Variants in C2CD3 observed in about 807,000 individuals in gnomAD.
C2CD3 encodes C2 domain containing 3 centriole elongation regulator.
Under a neutral mutation model 234.0 loss-of-function variants are expected in C2CD3, and 148 were observed. That is an observed-to-expected ratio of 0.63 (90% CI 0.55 to 0.72). The LOEUF (loss-of-function observed/expected upper bound fraction) is 0.72. Ranked by LOEUF, C2CD3 falls within the 30% of genes least tolerant of loss-of-function variation. The probability of loss-of-function intolerance (pLI) is 0.00; values close to 1 mark genes in which losing one functional copy is unlikely to be tolerated. For synonymous variants in C2CD3, 1,000 were observed against 1,035.4 expected, an observed-to-expected ratio of 0.97 and a Z score of 0.66; for missense variants, 2,577 against 2,811.5, an observed-to-expected ratio of 0.92 and a Z score of 1.89.
chr11:74,063,191 C>T (rs2135447242), intron 24 of C2CD3, among the ~76,000 whole-genome samples: 1 of 152,240 alleles, frequency 6.6e-6, no homozygotes, highest in Non-Finnish European at 1.5e-5. Context: ...GCCGCATCTA[C>T]CAGAGGTACA....
intron 30 of C2CD3, among the ~76,000 whole-genome samples, chr11:74,035,532 A>G (rs980460750): frequency 6.6e-6 from 1 of 152,146 alleles, no homozygotes; most frequent in East Asian, 1.9e-4. Context: ...GGCATGAACC[A>G]TATGTCTGAA....
At chr11:74,040,354 T>TG (rs1347582913) in intron 29 of C2CD3, among the ~76,000 whole-genome samples, 1 of 152,170 alleles carries the variant, frequency 6.6e-6, no homozygotes, top group African/African-American at 2.4e-5. Flanking sequence ...AGGTTGGGGC[T>TG]GCTGGTCTAT....
At chr11:74,087,299 C>T (rs764327151) in intron 20 of C2CD3, among the ~76,000 whole-genome samples, 8 of 151,994 alleles carry the variant, frequency 5.3e-5, no homozygotes, top group Admixed American at 2.6e-4. Flanking sequence ...TGCGGTGGCT[C>T]GCGCCTGTAA....
intron 24 of C2CD3, among the ~76,000 whole-genome samples, chr11:74,063,994 C>A (rs1359457087): frequency 6.6e-6 from 1 of 152,006 alleles, no homozygotes; most frequent in Non-Finnish European, 1.5e-5. Flanking sequence ...TGGTGTGCTG[C>A]ACCCATTAAC....
At chr11:74,018,323 T>C (rs1951950720) in intron 32 of C2CD3, among the ~76,000 whole-genome samples, 1 of 151,952 alleles carries the variant, frequency 6.6e-6, no homozygotes. Context: ...AAGTCCTGAG[T>C]AGAGCTGGGG....
chr11:74,084,602 T>G (rs372436019), intron 22 of C2CD3, among the ~76,000 whole-genome samples: 9 of 152,050 alleles, frequency 5.9e-5, no homozygotes, highest in African/African-American at 2.2e-4. Flanking sequence ...TCAGGACTTC[T>G]CCATCTATAA....
In C2CD3 at chr11:74,053,058, A is replaced by T. The variant is rs78575741; in HGVS notation, c.5155+1549T>A. On this transcript the variant is annotated intron_variant, in intron 26 of 32. Transcript: ENST00000334126. Reference sequence around the variant, plus strand: ...AAGTCCTCATCACCTCAATTTTCCAAGTTTTCCAATCTTACTAGCATGGTG... The same window carrying T: ...AAGTCCTCATCACCTCAATTTTCCATGTTTTCCAATCTTACTAGCATGGTG... Among the ~76,000 whole-genome samples the T allele has an allele frequency of 4.2e-4, 64 of 152,328 alleles. No homozygotes were observed. The East Asian group carries it at 0.01, about 24-fold the overall frequency.
At chr11:74,041,618 T>A (rs1163029498) in intron 29 of C2CD3, among the ~76,000 whole-genome samples, 2 of 152,212 alleles carry the variant, frequency 1.3e-5, no homozygotes, top group African/African-American at 4.8e-5. Context: ...TTAGATAAGC[T>A]AGGGGCTGAT....
In C2CD3 at chr11:74,150,516, C is replaced by CAAAAAAAAAAAAAAAAAAAAAAAAAA. The variant is rs1162306851; in HGVS notation, c.484-10689_484-10688insTTTTTTTTTTTTTTTTTTTTTTTTTT. ...TCAAAAAAAAAAAAAAAAAAAAAAA[C>CAAAAAAAAAAAAAAAAAAAAAAAAAA]AAAAAAAAAACAAAACAAATTTCTA... is the stretch of plus-strand genomic sequence containing the variant. On this transcript the variant is annotated intron_variant, in intron 3 of 32. Coordinates refer to ENST00000334126, the MANE Select transcript of C2CD3 (RefSeq NM_001286577.2). 3.0e-5 allele frequency among the ~76,000 whole-genome samples: 2 copies of CAAAAAAAAAAAAAAAAAAAAAAAAAA among 65,990 alleles called. 1 individual carries two copies. Among genetic ancestry groups the CAAAAAAAAAAAAAAAAAAAAAAAAAA allele is most frequent in the Admixed American group, 4.1e-4 (2 of 4,834 alleles). The allele number at this position is 65,990 out of a possible 152,430, so 43.3% of individuals were successfully genotyped here. A position where few individuals can be genotyped will look rare whatever the true frequency, so the allele number is the denominator to read the frequency against.
intron 5 of C2CD3, among the ~76,000 whole-genome samples, chr11:74,137,377 A>G (rs933023096): frequency 1.3e-5 from 2 of 152,174 alleles, no homozygotes; most frequent in African/African-American, 2.4e-5. Flanking sequence ...TGCTGAATAG[A>G]TAACTGCTTA....
chr11:74,060,814 T>A (rs138137590), intron 24 of C2CD3, among the ~76,000 whole-genome samples: 2,752 of 152,128 alleles, frequency 0.018, 49 homozygotes, highest in African/African-American at 0.034. Context: ...CCATCAGTAA[T>A]AACAAACTTT....
chr11:74,146,836 T>C (rs1156586371), intron 3 of C2CD3, among the ~76,000 whole-genome samples: 1 of 151,698 alleles, frequency 6.6e-6, no homozygotes, highest in African/African-American at 2.4e-5. Context: ...GCAGATCACT[T>C]GAGGTCAGGA....
rs1285843202 is a variant in C2CD3, at chr11:74,074,566, G to A, written c.4638C>T (p.Asn1546=). Residue 1546 remains asparagine, a synonymous_variant, in exon 24 of 33, where the codon AAC becomes AAT. Transcript: ENST00000334126. ...GAACTCGCAAGGCAGCTCCTGAGAG[G>A]TTGGAAGCATTTCGTCCAAACAGAG... ...VYPLFGRNAS[N]LSGAALRVHV... The A allele has an allele frequency of 6.2e-7, 1 of 1,614,090 alleles. No individual in the cohort carries two copies. Among genetic ancestry groups the A allele is most frequent in the East Asian group, 2.2e-5 (1 of 44,850 alleles).
intron 16 of C2CD3, 51 bp from the exon 17 acceptor site, chr11:74,095,459 G>C: frequency 2.8e-6 from 4 of 1,411,628 alleles, no homozygotes; most frequent in Non-Finnish European, 3.9e-6. Context: ...AACTTGCTTA[G>C]AATATTTCTG....
Position 74,168,740 on chromosome 11 carries a change from A to G in C2CD3, c.56-127T>C. 3 of 816,586 alleles carry G rather than the reference A, an allele frequency of 3.7e-6. No homozygotes were observed. The East Asian group carries it at 7.6e-5, about 21-fold the overall frequency. The allele number at this position is 816,586 out of a possible 1,614,324, so 50.6% of individuals were successfully genotyped here. A position where few individuals can be genotyped will look rare whatever the true frequency, so the allele number is the denominator to read the frequency against. ...GTTCAGCAATTTATCACCACTTAGAAAGAAGGTTTATCCTACCCATTATTC... is the reference window on the plus strand; with the variant it reads ...GTTCAGCAATTTATCACCACTTAGAGAGAAGGTTTATCCTACCCATTATTC... On this transcript the variant is annotated intron_variant, in intron 1 of 32. Transcript: ENST00000334126.
intron 17 of C2CD3, among the ~76,000 whole-genome samples, 200 bp from the exon 18 acceptor site, chr11:74,094,199 GTTT>G (rs10717136): frequency 2.9e-5 from 4 of 136,826 alleles, no homozygotes; most frequent in Non-Finnish European, 1.6e-5. Context: ...CACTTGTTAG[GTTT>G]TTTTTTTTTT....
intron 32 of C2CD3, among the ~76,000 whole-genome samples, chr11:74,017,878 C>T (rs1444200047): frequency 6.6e-6 from 1 of 152,198 alleles, no homozygotes; most frequent in African/African-American, 2.4e-5. Flanking sequence ...TCACTCCAGC[C>T]CCCAGATGGA....
intron 29 of C2CD3, among the ~76,000 whole-genome samples, 180 bp from the exon 30 acceptor site, chr11:74,037,878 A>G (rs1952817488): frequency 6.6e-6 from 1 of 151,942 alleles, no homozygotes; most frequent in Non-Finnish European, 1.5e-5. Context: ...TCTGACTACA[A>G]TCCTGCTGCT....
rs1485753833 is a variant in C2CD3 at position 74,117,040 on chromosome 11, G to A, written c.1520+1188C>T. The stretch of plus-strand genomic sequence containing the variant: ...TATATACGTGTATATGTATATATAC[G>A]TGTGTGTGTATATATATATGAATAT... On this transcript the variant is annotated intron_variant, in intron 9 of 32. Transcript: ENST00000334126. Among the ~76,000 whole-genome samples, 56 of 43,300 alleles carry A rather than the reference G, an allele frequency of 1.3e-3. 1 individual carries two copies. The highest frequency in any genetic ancestry group is 3.0e-3 in the Admixed American group (13 of 4,304). 28.4% of individuals were successfully genotyped at this position (43,300 alleles called of 152,430 possible). A position where few individuals can be genotyped will look rare whatever the true frequency, so the allele number is the denominator to read the frequency against.
Sources: gnomAD v4.1 joint callset for allele counts (sites outside exome capture counted in the v4.1 genomes callset) on GRCh38, gnomAD v4.1.1 for gene constraint, MANE v1.5 for transcripts, NCBI Gene and HGNC (gene_info 2026-07-23, HGNC 2026-07-21) for gene names.